Variants in SOX6 observed in about 807,000 individuals in gnomAD.
SOX6 encodes transcription factor SOX-6.
In SOX6, 11 loss-of-function variants were observed where a neutral mutation model predicts 97.8. The ratio of observed to expected loss-of-function variants is 0.11; its 90% CI spans 0.07 to 0.19. The LOEUF (loss-of-function observed/expected upper bound fraction) is 0.19. SOX6 is among the 10% of genes least tolerant of loss of function. SOX6 has a pLI of 1.00. For missense variants in SOX6, 810 were observed against 1,039.5 expected, an observed-to-expected ratio of 0.78 and a Z score of 3.04; for synonymous variants, 360 against 371.4, an observed-to-expected ratio of 0.97 and a Z score of 0.35.
At chr11:16,228,824 A>T (rs1477998019) in intron 4 of SOX6, among the ~76,000 whole-genome samples, 2 of 152,168 alleles carry the variant, frequency 1.3e-5, no homozygotes, top group African/African-American at 4.8e-5. Context: ...TCAGGTACAT[A>T]CTCATACAAA....
chr11:16,409,487 G>A (rs908417683), intron 1 of SOX6, among the ~76,000 whole-genome samples: 1 of 152,040 alleles, frequency 6.6e-6, no homozygotes, highest in African/African-American at 2.4e-5. Context: ...CATTTTATAA[G>A]GCTAGAATAT....
At chr11:16,389,725 T>C (rs1020455575) in intron 1 of SOX6, among the ~76,000 whole-genome samples, 2 of 151,852 alleles carry the variant, frequency 1.3e-5, no homozygotes, top group Non-Finnish European at 2.9e-5. Context: ...TCCCAGCACT[T>C]TGGGAGGCCG....
chr11:16,648,649 C>T (rs918288088), intron 3 of SOX6, among the ~76,000 whole-genome samples: 4 of 152,152 alleles, frequency 2.6e-5, no homozygotes, highest in African/African-American at 9.7e-5. Flanking sequence ...CTGCCTATAA[C>T]ATCCTGAAAT....
chr11:16,002,700 G>A (rs1047960449), intron 13 of SOX6, among the ~76,000 whole-genome samples: 2 of 152,142 alleles, frequency 1.3e-5, no homozygotes, highest in African/African-American at 4.8e-5. Context: ...CAGGACAACT[G>A]GGCTCAGGTT....
chr11:16,489,425 T>G (rs12786367), intron 4 of SOX6, among the ~76,000 whole-genome samples: 26,170 of 152,008 alleles, frequency 0.17, 2,293 homozygotes, highest in African/African-American at 0.19. Flanking sequence ...ATTATGTCAT[T>G]ATGTGGTTAT....
At chr11:16,184,809 G>T (rs945925710) in intron 5 of SOX6, among the ~76,000 whole-genome samples, 3 of 152,122 alleles carry the variant, frequency 2.0e-5, no homozygotes, top group Admixed American at 1.3e-4. Flanking sequence ...AAGCTGAGCT[G>T]CTACAGCTCG....
intron 3 of SOX6, among the ~76,000 whole-genome samples, chr11:16,619,111 T>C (rs7396584): frequency 0.17 from 25,186 of 151,860 alleles, 2,736 homozygotes; most frequent in East Asian, 0.32. Context: ...TGAGAAAATA[T>C]AATGATAAAA....
intron 3 of SOX6, among the ~76,000 whole-genome samples, chr11:16,643,629 C>A (rs1371192967): frequency 6.6e-6 from 1 of 152,230 alleles, no homozygotes; most frequent in Non-Finnish European, 1.5e-5. Flanking sequence ...ACCCCTCCCC[C>A]AGCCTCGCTG....
intron 6 of SOX6, among the ~76,000 whole-genome samples, chr11:16,116,227 T>C (rs1041796845): frequency 1.3e-5 from 2 of 152,192 alleles, no homozygotes; most frequent in Admixed American, 6.5e-5. Flanking sequence ...CAGCAGCTAA[T>C]ATTTTTTCTT....
chr11:16,088,420 A>G (rs1233940787), intron 9 of SOX6, among the ~76,000 whole-genome samples: 1 of 152,154 alleles, frequency 6.6e-6, no homozygotes, highest in Non-Finnish European at 1.5e-5. Flanking sequence ...TTTTCACTAC[A>G]TAATATTTCA....
chr11:16,042,250 A>G (rs1279315688), intron 12 of SOX6, among the ~76,000 whole-genome samples: 1 of 152,176 alleles, frequency 6.6e-6, no homozygotes, highest in African/African-American at 2.4e-5. Flanking sequence ...CTGTCTTTCT[A>G]TGACTGCTGT....
At chr11:16,262,931 C>A (rs535968571) in intron 3 of SOX6, among the ~76,000 whole-genome samples, 20 of 152,016 alleles carry the variant, frequency 1.3e-4, no homozygotes, top group African/African-American at 4.1e-4. Context: ...TCTACCATTT[C>A]AATTAGTTGC....
intron 1 of SOX6, among the ~76,000 whole-genome samples, chr11:16,355,282 TGA>T (rs1857044056): frequency 6.6e-6 from 1 of 152,036 alleles, no homozygotes; most frequent in South Asian, 2.1e-4. Flanking sequence ...ATTAATATTT[TGA>T]ACTTTGACAG....
chr11:16,431,624 A>G (rs1350757962), intron 1 of SOX6, among the ~76,000 whole-genome samples: 2 of 152,146 alleles, frequency 1.3e-5, no homozygotes, highest in African/African-American at 4.8e-5. Context: ...CATGAGAAAG[A>G]ATAAAATGGA....
chr11:16,484,029 G>T, intron 4 of SOX6: 1 of 806,154 alleles, frequency 1.2e-6, no homozygotes, highest in Non-Finnish European at 2.2e-6. Context: ...CTTGGCCCAG[G>T]GCCTGTCGGG....
intron 9 of SOX6, among the ~76,000 whole-genome samples, chr11:16,072,766 A>G (rs1240235218): frequency 6.6e-6 from 1 of 152,178 alleles, no homozygotes; most frequent in African/African-American, 2.4e-5. Context: ...AAACCCTACA[A>G]GCCATAAGAG....
In SOX6 at chr11:15,981,078, C is replaced by T. The variant is rs546561087; in HGVS notation, c.2183+5126G>A. On this transcript the variant is annotated intron_variant, in intron 15 of 15. Coordinates refer to ENST00000683767, the MANE Select transcript of SOX6 (RefSeq NM_001367873.1). Reference sequence around the variant, plus strand: ...CAAATCAATGAACAAAATAAGAAATCCAGCCAGCAGGTTCAAGCTTTGTCT... The same window carrying T: ...CAAATCAATGAACAAAATAAGAAATTCAGCCAGCAGGTTCAAGCTTTGTCT... Among the ~76,000 whole-genome samples, 88 of 152,156 alleles carry T rather than the reference C, an allele frequency of 5.8e-4. 1 individual carries two copies. In the South Asian group the frequency reaches 0.017, roughly 30 times the overall value.
intron 3 of SOX6, chr11:16,315,996 G>T (rs1381163717): frequency 6.6e-6 from 1 of 152,038 alleles, no homozygotes; most frequent in Non-Finnish European, 1.5e-5. Flanking sequence ...ACCAACTCTT[G>T]AATGCATCAT....
Position 16,610,795 on chromosome 11 carries a change from G to A in SOX6, n.609+1286C>T, listed in dbSNP as rs1208807155. 6.6e-6 allele frequency among the ~76,000 whole-genome samples: 1 copy of A among 152,182 alleles called. No individual in the cohort carries two copies. Among genetic ancestry groups the A allele is most frequent in the Non-Finnish European group, 1.5e-5 (1 of 68,020 alleles). ...CTGGCTATACCAATGAAGAGGGAGA[G>A]GCGGAGAGCGCAGCAGCCTGCTAAA... On this transcript the variant is annotated intron_variant and non_coding_transcript_variant, in intron 4 of 5. Transcript: ENST00000524520. This position sits in a 1 kb window ranked among gnomAD's most constrained non-coding sequence, Gnocchi z 4.4.
Sources: allele counts gnomAD v4.1 joint callset (sites outside exome capture counted in the v4.1 genomes callset), GRCh38; gene constraint gnomAD v4.1.1; non-coding constraint Gnocchi (gnomAD v3.1); transcripts MANE v1.5; gene names NCBI Gene and HGNC (gene_info 2026-07-23, HGNC 2026-07-21).